The following VEZT variants were observed in gnomAD, a reference collection of about 807,000 sequenced individuals.
VEZT encodes the protein vezatin, adherens junctions transmembrane protein, also known as vezatin.
VEZT carries 39 observed loss-of-function variants against 79.9 expected under a neutral mutation model. The observed-to-expected ratio is 0.49, with a 90% CI of 0.38 to 0.64. VEZT has a LOEUF of 0.64. Ranked by LOEUF, VEZT falls within the 30% of genes least tolerant of loss-of-function variation. VEZT has a pLI of 0.00. For missense variants in VEZT, 837 were observed against 893.1 expected (o/e 0.94, Z 0.80); for synonymous variants, 325 against 327.6 (o/e 0.99, Z 0.09).
intron 1 of VEZT, chr12:95,218,561 G>A (rs1592911261): frequency 6.6e-6 from 1 of 152,134 alleles, no homozygotes; most frequent in East Asian, 1.9e-4. Flanking sequence ...AATCGGGCGA[G>A]TGTTTTTGAT....
intron 4 of VEZT, among the ~76,000 whole-genome samples, chr12:95,264,029 C>T (rs948955954): frequency 2.0e-5 from 3 of 152,164 alleles, no homozygotes; most frequent in South Asian, 2.1e-4. Context: ...TTAAATTTGA[C>T]ATAGAAGGGA....
intron 9 of VEZT, among the ~76,000 whole-genome samples, chr12:95,292,723 G>A (rs1050421307): frequency 8.0e-5 from 12 of 150,370 alleles, no homozygotes; most frequent in African/African-American, 2.9e-4. Flanking sequence ...TAATTTTTGT[G>A]TTTTTATTAG....
intron 5 of VEZT, among the ~76,000 whole-genome samples, chr12:95,266,843 T>C (rs1458701105): frequency 6.6e-6 from 1 of 152,200 alleles, no homozygotes; most frequent in Non-Finnish European, 1.5e-5. Flanking sequence ...CCTATCTGCT[T>C]TGAGGAACTA....
intron 8 of VEZT, among the ~76,000 whole-genome samples, chr12:95,283,582 A>G (rs988174464): frequency 2.0e-5 from 3 of 152,262 alleles, no homozygotes; most frequent in African/African-American, 7.2e-5. Flanking sequence ...CAAAATCAAA[A>G]GGCTAAATCA....
chr12:95,255,856 A>G (rs1203734618), intron 2 of VEZT, among the ~76,000 whole-genome samples: 3 of 152,094 alleles, frequency 2.0e-5, no homozygotes, highest in African/African-American at 7.2e-5. Context: ...GTAGCTCCTC[A>G]CACCCTACAG....
At chr12:95,226,649 T>C (rs2058535300) in intron 1 of VEZT, among the ~76,000 whole-genome samples, 1 of 132,354 alleles carries the variant, frequency 7.6e-6, no homozygotes, top group African/African-American at 2.5e-5. Flanking sequence ...ATATTTTGGG[T>C]CATTTGTATT....
At chr12:95,273,666 C>A (rs1190472551) in intron 6 of VEZT, among the ~76,000 whole-genome samples, 2 of 151,906 alleles carry the variant, frequency 1.3e-5, no homozygotes. Flanking sequence ...AGAAAGTTTC[C>A]CTATATCATT....
intron 8 of VEZT, among the ~76,000 whole-genome samples, chr12:95,284,867 C>T (rs1178422843): frequency 1.3e-5 from 2 of 151,878 alleles, no homozygotes; most frequent in South Asian, 2.1e-4. Flanking sequence ...CTGAGGATCA[C>T]GAGGTCAGGA....
At chr12:95,291,014 C>T (rs1350001940) in intron 9 of VEZT, among the ~76,000 whole-genome samples, 2 of 152,078 alleles carry the variant, frequency 1.3e-5, no homozygotes, top group African/African-American at 4.8e-5. Context: ...CCTATAATCT[C>T]AGCACTTTGG....
At position 95,287,774 on chromosome 12, in the gene VEZT, C is replaced by T; in HGVS notation, c.1439C>T (p.Pro480Leu). 1.9e-6 allele frequency: 3 copies of T among 1,608,390 alleles called. No individual in the cohort carries two copies. Among genetic ancestry groups the T allele is most frequent in the Non-Finnish European group, 2.5e-6 (3 of 1,177,212 alleles). Residue 480 changes from proline to leucine, a missense_variant, in exon 9 of 12, where the codon CCC becomes CTC. Physicochemically the swap from Pro to Leu is moderately conservative, Grantham distance 98. Coordinates refer to ENST00000436874, the MANE Select transcript of VEZT (RefSeq NM_017599.4). ...ILEQKLKLIQ[P>L]HVQASNNCWE... ...GAACAGAAATTAAAGTTGATTCAGC[C>T]CCACGTTCAAGCAAGCAACAATTGC...
intron 5 of VEZT, 139 bp from the exon 6 acceptor site, chr12:95,269,912 A>G (rs1411020970): frequency 6.7e-6 from 6 of 901,270 alleles, no homozygotes; most frequent in Non-Finnish European, 9.9e-6. Context: ...GAGTTGACAT[A>G]TGTATAATCA....
intron 1 of VEZT, among the ~76,000 whole-genome samples, chr12:95,226,950 G>A (rs958020571): frequency 6.6e-6 from 1 of 152,156 alleles, no homozygotes; most frequent in Non-Finnish European, 1.5e-5. Context: ...AATTGAGAAG[G>A]ACAGTATAAC....
At chr12:95,247,612 A>G (rs2061902159) in intron 1 of VEZT, among the ~76,000 whole-genome samples, 1 of 152,132 alleles carries the variant, frequency 6.6e-6, no homozygotes, top group South Asian at 2.1e-4. Flanking sequence ...ACGTCCATGT[A>G]AACAAAAGCT....
At chr12:95,262,386 A>T (rs947248705) in intron 3 of VEZT, 3 of 152,286 alleles carry the variant, frequency 2.0e-5, no homozygotes, top group Non-Finnish European at 4.4e-5. Context: ...ATGAGCTCGT[A>T]TATGTGAAGG....
chr12:95,281,427 A>G (rs1321068076), intron 7 of VEZT, among the ~76,000 whole-genome samples: 1 of 152,138 alleles, frequency 6.6e-6, no homozygotes, highest in East Asian at 1.9e-4. Context: ...GCAGTAAGCT[A>G]TGATAGTGCC....
intron 9 of VEZT, among the ~76,000 whole-genome samples, chr12:95,291,945 T>C (rs914101228): frequency 6.6e-6 from 1 of 152,102 alleles, no homozygotes; most frequent in Non-Finnish European, 1.5e-5. Context: ...ACTACAGCCA[T>C]GCACCACCAT....
chr12:95,222,744 A>G (rs780882184), intron 1 of VEZT, among the ~76,000 whole-genome samples: 1 of 152,214 alleles, frequency 6.6e-6, no homozygotes, highest in Non-Finnish European at 1.5e-5. Context: ...TTGAAGCTAT[A>G]AATTAATCTG....
intron 1 of VEZT, among the ~76,000 whole-genome samples, chr12:95,246,645 T>C (rs967231787): frequency 1.3e-5 from 2 of 152,224 alleles, no homozygotes; most frequent in Non-Finnish European, 2.9e-5. Context: ...CAAAATTCTT[T>C]CTGGTGTTAT....
chr12:95,223,100 A>G (rs1357368016), intron 1 of VEZT, among the ~76,000 whole-genome samples: 1 of 152,212 alleles, frequency 6.6e-6, no homozygotes, highest in East Asian at 1.9e-4. Flanking sequence ...TATTAGTTAT[A>G]TTAGTTAATG....
Sources: allele counts gnomAD v4.1 joint callset (sites outside exome capture counted in the v4.1 genomes callset), GRCh38; gene constraint gnomAD v4.1.1; transcripts MANE v1.5; gene names NCBI Gene and HGNC (gene_info 2026-07-23, HGNC 2026-07-21).